AGBL3: variants seen among roughly 807,000 people sequenced by gnomAD.
AGBL3 encodes the protein cytosolic carboxypeptidase 3.
In AGBL3, 68 loss-of-function variants were observed where a neutral mutation model predicts 94.5. That is an observed-to-expected ratio of 0.72 (90% CI 0.59 to 0.88). The LOEUF (loss-of-function observed/expected upper bound fraction) is 0.88. AGBL3 is among the 40% of genes least tolerant of loss of function. The probability of loss-of-function intolerance (pLI) is 0.00; values close to 1 mark genes in which losing one functional copy is unlikely to be tolerated. For synonymous variants in AGBL3, 354 were observed against 370.7 expected (o/e 0.95, Z 0.52); for missense variants, 934 against 1,103.8 (o/e 0.85, Z 2.18).
Position 134,987,912 on chromosome 7 carries a change from C to A in AGBL3, c.-22C>A. ...AGCCTACCCGTATATTACAAGAAAT[C>A]TCAAGTCAAACACTGGAAAAGATGT... is the stretch of plus-strand genomic sequence containing the variant. On this transcript the variant is annotated 5_prime_UTR_variant, in exon 2 of 17. Transcript: ENST00000436302. 1.3e-6 allele frequency: 2 copies of A among 1,536,602 alleles called. No homozygotes were observed. Among genetic ancestry groups the A allele is most frequent in the Non-Finnish European group, 1.8e-6 (2 of 1,138,296 alleles).
chr7:135,040,428 C>T (rs1000339639), intron 8 of AGBL3, among the ~76,000 whole-genome samples: 6 of 152,012 alleles, frequency 3.9e-5, no homozygotes, highest in Non-Finnish European at 5.9e-5. Flanking sequence ...AGACCATGAC[C>T]AGATGGGGTT....
At chr7:135,118,297 T>G (rs562734141) in intron 16 of AGBL3, among the ~76,000 whole-genome samples, 3 of 152,196 alleles carry the variant, frequency 2.0e-5, no homozygotes, top group Non-Finnish European at 2.9e-5. Flanking sequence ...TTCAAAGTAT[T>G]AATATATAAG....
At chr7:135,102,415 GATA>G (rs1027978139) in intron 15 of AGBL3, among the ~76,000 whole-genome samples, 1 of 152,054 alleles carries the variant, frequency 6.6e-6, no homozygotes, top group Non-Finnish European at 1.5e-5. Context: ...TAATATCAAA[GATA>G]ATAATATGGA....
At chr7:135,070,261 A>C (rs1819762096) in intron 12 of AGBL3, among the ~76,000 whole-genome samples, 4 of 152,216 alleles carry the variant, frequency 2.6e-5, no homozygotes, top group Admixed American at 2.0e-4. Flanking sequence ...AAAGTCCAGG[A>C]CCAGATGGAT....
intron 12 of AGBL3, among the ~76,000 whole-genome samples, chr7:135,074,691 A>T (rs551956177): frequency 5.3e-5 from 8 of 152,070 alleles, no homozygotes; most frequent in Non-Finnish European, 8.8e-5. Flanking sequence ...TATTTCACAA[A>T]CACCTCCTCT....
In AGBL3 at chr7:135,059,201, ACT is replaced by A; in HGVS notation, c.1879_1880del (p.Leu627AspfsTer36). 6.4e-7 allele frequency: 1 copy of A among 1,550,966 alleles called. No homozygotes were observed. Among genetic ancestry groups the A allele is most frequent in the Non-Finnish European group, 8.7e-7 (1 of 1,146,662 alleles). On this transcript the variant is annotated frameshift_variant, in exon 12 of 17. Transcript: ENST00000436302. LOFTEE classifies it high-confidence loss of function. ...GGCTCTGACAGTTCAGAATCCATTG[ACT>A]CTCTGACTTACCTTCTCAAGTTAAC...
intron 5 of AGBL3, among the ~76,000 whole-genome samples, chr7:135,029,767 T>C (rs1020074442): frequency 6.6e-6 from 1 of 152,196 alleles, no homozygotes; most frequent in African/African-American, 2.4e-5. Context: ...AGCTTAATCA[T>C]TTTTGGCTTT....
At chr7:135,107,440 C>T (rs1163055899) in intron 15 of AGBL3, among the ~76,000 whole-genome samples, 1 of 152,160 alleles carries the variant, frequency 6.6e-6, no homozygotes, top group Non-Finnish European at 1.5e-5. Flanking sequence ...TTAAAAAGAG[C>T]TTCTTGATTT....
chr7:135,052,128 T>C (rs577690816), intron 11 of AGBL3, among the ~76,000 whole-genome samples: 2 of 152,304 alleles, frequency 1.3e-5, no homozygotes, highest in African/African-American at 2.4e-5. Flanking sequence ...CCTTGTTCCA[T>C]GGGTAACCAT....
At chr7:135,011,145 A>C (rs1444732173) in intron 4 of AGBL3, 1 of 152,196 alleles carries the variant, frequency 6.6e-6, no homozygotes, top group Non-Finnish European at 1.5e-5. Flanking sequence ...TATGGTCATT[A>C]TGACAAAGGT....
At chr7:135,048,225 G>A (rs998372429) in intron 11 of AGBL3, among the ~76,000 whole-genome samples, 4 of 151,842 alleles carry the variant, frequency 2.6e-5, no homozygotes, top group Non-Finnish European at 5.9e-5. Context: ...CTCTGTCAGT[G>A]TCATACTCAT....
chr7:134,992,171 A>G (rs1042687780), intron 3 of AGBL3, among the ~76,000 whole-genome samples: 2 of 152,224 alleles, frequency 1.3e-5, no homozygotes, highest in African/African-American at 4.8e-5. Context: ...TGTTGTATTC[A>G]GTTAAAGAAT....
At chr7:135,006,082 T>C (rs1455223338) in intron 4 of AGBL3, among the ~76,000 whole-genome samples, 1 of 151,852 alleles carries the variant, frequency 6.6e-6, no homozygotes, top group African/African-American at 2.4e-5. Flanking sequence ...AAAAACTTGA[T>C]AAATTGGACT....
At chr7:135,082,072 T>TG (rs144514872) in intron 15 of AGBL3, among the ~76,000 whole-genome samples, 1 of 152,338 alleles carries the variant, frequency 6.6e-6, no homozygotes, top group African/African-American at 2.4e-5. Flanking sequence ...AACCTCTGGT[T>TG]GACTACACTT....
intron 15 of AGBL3, among the ~76,000 whole-genome samples, chr7:135,088,628 G>T (rs985294845): frequency 6.6e-6 from 1 of 152,012 alleles, no homozygotes; most frequent in Non-Finnish European, 1.5e-5. Context: ...TTATCTGAAG[G>T]ATAGCTTTGC....
At chr7:135,019,182 G>T (rs1371705861) in intron 5 of AGBL3, among the ~76,000 whole-genome samples, 3 of 152,108 alleles carry the variant, frequency 2.0e-5, no homozygotes, top group Non-Finnish European at 4.4e-5. Context: ...TTGCCAAATG[G>T]TACTCCATCA....
intron 12 of AGBL3, among the ~76,000 whole-genome samples, chr7:135,066,938 C>T (rs1819371220): frequency 6.6e-6 from 1 of 152,232 alleles, no homozygotes; most frequent in Non-Finnish European, 1.5e-5. Flanking sequence ...CAGGGCGAGG[C>T]ATTGCCTCAC....
intron 15 of AGBL3, among the ~76,000 whole-genome samples, chr7:135,104,116 G>A (rs968652218): frequency 6.6e-6 from 1 of 151,814 alleles, no homozygotes; most frequent in Admixed American, 6.6e-5. Flanking sequence ...CCCTCTTTGT[G>A]TCCCTATGTT....
At chr7:135,125,221 T>C (rs1827706479) in intron 16 of AGBL3, among the ~76,000 whole-genome samples, 1 of 152,072 alleles carries the variant, frequency 6.6e-6, no homozygotes, top group South Asian at 2.1e-4. Flanking sequence ...ATATCACCAC[T>C]GATCCCACAG....
Sources: gnomAD v4.1 joint callset for allele counts (sites outside exome capture counted in the v4.1 genomes callset) on GRCh38, gnomAD v4.1.1 for gene constraint, MANE v1.5 for transcripts, NCBI Gene and HGNC (gene_info 2026-07-23, HGNC 2026-07-21) for gene names.